Variants in KLHL29 observed in about 807,000 individuals in gnomAD.
The protein encoded by KLHL29 is kelch like family member 29.
Under a neutral mutation model 80.4 loss-of-function variants are expected in KLHL29, and 21 were observed. The observed-to-expected ratio is 0.26, with a 90% CI of 0.19 to 0.38. The LOEUF (loss-of-function observed/expected upper bound fraction) is 0.38. Ranked by LOEUF, KLHL29 falls within the 10% of genes least tolerant of loss-of-function variation. The pLI is 1.00. For missense variants in KLHL29, 867 were observed against 1,223.9 expected (o/e 0.71, Z 4.35); for synonymous variants, 511 against 526.8 (o/e 0.97, Z 0.41).
intron 1 of KLHL29, among the ~76,000 whole-genome samples, chr2:23,430,797 C>T (rs568935669): frequency 6.6e-6 from 1 of 152,304 alleles, no homozygotes; most frequent in South Asian, 2.1e-4. Flanking sequence ...GTGAGCGGCC[C>T]TTGGGTAGCA....
chr2:23,448,369 T>C (rs1663769307), intron 1 of KLHL29, among the ~76,000 whole-genome samples: 2 of 152,222 alleles, frequency 1.3e-5, no homozygotes, highest in Non-Finnish European at 2.9e-5. Context: ...TTTGAGGCAG[T>C]TGATATCACC....
intron 3 of KLHL29, among the ~76,000 whole-genome samples, chr2:23,608,085 A>C (rs1572434956): frequency 6.6e-6 from 1 of 152,376 alleles, no homozygotes; most frequent in Non-Finnish European, 1.5e-5. Context: ...ACAGGTAGTC[A>C]GTAGTTGACC....
chr2:23,659,881 C>A lies in KLHL29; in HGVS notation c.940+17031C>A, dbSNP rs115525035. On this transcript the variant is annotated intron_variant, in intron 5 of 13. Coordinates refer to ENST00000486442, the MANE Select transcript of KLHL29 (RefSeq NM_052920.2). ...CCTCATCTTCTCCAGCCTCCATGGT[C>A]AGAGCAATCTTCCTAACGCACCACC... Among the ~76,000 whole-genome samples, 937 of 152,088 alleles carry A rather than the reference C, an allele frequency of 6.2e-3. 6 individuals carry two copies. Among genetic ancestry groups the A allele is most frequent in the Middle Eastern group, 0.014 (4 of 292 alleles).
chr2:23,578,033 A>C (rs997329854), intron 3 of KLHL29, among the ~76,000 whole-genome samples: 2 of 152,162 alleles, frequency 1.3e-5, no homozygotes, highest in African/African-American at 4.8e-5. Context: ...GCATCAGTAA[A>C]TTATGCGATT....
intron 1 of KLHL29, among the ~76,000 whole-genome samples, chr2:23,441,861 C>G (rs1663535121): frequency 6.6e-6 from 1 of 152,158 alleles, no homozygotes; most frequent in South Asian, 2.1e-4. Context: ...TGTGCAAGCA[C>G]TTATTCAGCC....
chr2:23,396,472 G>T (rs1286886208), intron 1 of KLHL29, among the ~76,000 whole-genome samples: 1 of 152,198 alleles, frequency 6.6e-6, no homozygotes, highest in East Asian at 1.9e-4. Flanking sequence ...CCAATGGGAA[G>T]ACATATAAGA....
intron 3 of KLHL29, among the ~76,000 whole-genome samples, chr2:23,567,690 C>G (rs1177518968): frequency 6.6e-6 from 1 of 152,182 alleles, no homozygotes; most frequent in African/African-American, 2.4e-5. Flanking sequence ...CTTCTGGGGC[C>G]CATGAATGGA....
intron 2 of KLHL29, among the ~76,000 whole-genome samples, chr2:23,539,113 A>G (rs751564759): frequency 4.6e-5 from 7 of 152,190 alleles, no homozygotes; most frequent in Non-Finnish European, 1.0e-4. Flanking sequence ...CTAAAATTTT[A>G]TATCCACGCT....
At chr2:23,436,366 A>G (rs1399128972) in intron 1 of KLHL29, among the ~76,000 whole-genome samples, 1 of 150,034 alleles carries the variant, frequency 6.7e-6, no homozygotes, top group Non-Finnish European at 1.5e-5. Flanking sequence ...CAGTTTCTCA[A>G]AAGCTGGAGT....
At chr2:23,645,503 C>A (rs1037681629) in intron 5 of KLHL29, among the ~76,000 whole-genome samples, 2 of 152,146 alleles carry the variant, frequency 1.3e-5, no homozygotes, top group African/African-American at 4.8e-5. Context: ...CTGTTTGAAA[C>A]CTTGCCCAGC....
rs1376520693 is a variant in KLHL29, at chr2:23,680,309, C to T, written c.941-4090C>T. On this transcript the variant is annotated intron_variant, in intron 5 of 13. Coordinates refer to ENST00000486442, the MANE Select transcript of KLHL29 (RefSeq NM_052920.2). The surrounding 1 kb of genome is among the most constrained non-coding windows in gnomAD (Gnocchi z 4.1). Reference sequence around the variant, plus strand: ...ATTGCGGGCAGTGGACCGTCTTCCACGGGAAGAGGAGCTCCATGCTGGGCG... The same window carrying T: ...ATTGCGGGCAGTGGACCGTCTTCCATGGGAAGAGGAGCTCCATGCTGGGCG... 1.1e-4 allele frequency among the ~76,000 whole-genome samples: 17 copies of T among 151,970 alleles called. No homozygotes were observed. The highest frequency in any genetic ancestry group is 1.1e-3 in the Admixed American group (17 of 15,266).
At chr2:23,397,924 C>A (rs1466199198) in intron 1 of KLHL29, among the ~76,000 whole-genome samples, 1 of 152,210 alleles carries the variant, frequency 6.6e-6, no homozygotes, top group Non-Finnish European at 1.5e-5. Flanking sequence ...CACTTCACGT[C>A]CATTAACGTG....
chr2:23,490,462 G>A (rs1353388764), intron 2 of KLHL29, among the ~76,000 whole-genome samples: 1 of 152,150 alleles, frequency 6.6e-6, no homozygotes, highest in African/African-American at 2.4e-5. Context: ...AGGATAAATG[G>A]AGAGAAACAG....
chr2:23,510,464 T>C (rs2103461709), intron 2 of KLHL29, among the ~76,000 whole-genome samples: 1 of 152,342 alleles, frequency 6.6e-6, no homozygotes, highest in East Asian at 1.9e-4. Flanking sequence ...GATGGTGAGC[T>C]GTCCCTGTGA....
chr2:23,698,070 C>G (rs1672088126), intron 11 of KLHL29: 1 of 152,240 alleles, frequency 6.6e-6, no homozygotes, highest in Non-Finnish European at 1.5e-5. Context: ...AGCAGTGAGA[C>G]AAGCTCTACT....
chr2:23,635,212 G>A lies in KLHL29; in HGVS notation c.286-3927G>A, dbSNP rs150499335. On this transcript the variant is annotated intron_variant, in intron 3 of 13. Coordinates refer to ENST00000486442, the MANE Select transcript of KLHL29 (RefSeq NM_052920.2). ...TCTCGGGGCTGTGTGTCGCAGACTC[G>A]TGGGTACACAGCCTGGTGAGCAAAG... Among the ~76,000 whole-genome samples, 235 of 152,356 alleles carry A rather than the reference G, an allele frequency of 1.5e-3. 1 individual carries two copies. The highest frequency in any genetic ancestry group is 1.9e-3 in the East Asian group (10 of 5,186).
At chr2:23,630,556 T>C (rs961564064) in intron 3 of KLHL29, among the ~76,000 whole-genome samples, 3 of 152,168 alleles carry the variant, frequency 2.0e-5, no homozygotes, top group Non-Finnish European at 4.4e-5. Context: ...CTATCTTGGC[T>C]CAATGCAACC....
rs1670665178 is a variant in KLHL29 at position 23,669,975 on chromosome 2, A to G, written c.941-14424A>G. 6.6e-6 allele frequency among the ~76,000 whole-genome samples: 1 copy of G among 152,110 alleles called. No homozygotes were observed. The highest frequency in any genetic ancestry group is 2.1e-4 in the South Asian group (1 of 4,826). The stretch of plus-strand genomic sequence containing the variant: ...GGGGTGTCAGTAAAGCCAGAAGCTC[A>G]GCTGAAATGGTAGGGACCCATGAAA... On this transcript the variant is annotated intron_variant, in intron 5 of 13. Transcript: ENST00000486442. This position sits in a 1 kb window ranked among gnomAD's most constrained non-coding sequence, Gnocchi z 4.3.
intron 5 of KLHL29, among the ~76,000 whole-genome samples, chr2:23,654,694 GT>G (rs1195544384): frequency 0.012 from 1,047 of 85,568 alleles, 113 homozygotes; most frequent in African/African-American, 0.028. Flanking sequence ...GGGAACAGAG[GT>G]TGGGGGGGGG....
Sources: gnomAD v4.1 joint callset for allele counts (sites outside exome capture counted in the v4.1 genomes callset) on GRCh38, gnomAD v4.1.1 for gene constraint, Gnocchi (gnomAD v3.1) non-coding constraint, MANE v1.5 for transcripts, NCBI Gene and HGNC (gene_info 2026-07-23, HGNC 2026-07-21) for gene names.